The following ST6GALNAC3 variants were observed in gnomAD, a reference collection of about 807,000 sequenced individuals.
ST6GALNAC3 encodes the protein alpha-N-acetylgalactosaminide alpha-2,6-sialyltransferase 3.
ST6GALNAC3 carries 25 observed loss-of-function variants against 32.7 expected under a neutral mutation model. The ratio of observed to expected loss-of-function variants is 0.76; its 90% CI spans 0.56 to 1.07. The LOEUF (loss-of-function observed/expected upper bound fraction) is 1.07. ST6GALNAC3 is among the 50% of genes least tolerant of loss of function. ST6GALNAC3 has a pLI of 0.00. For missense variants in ST6GALNAC3, 355 were observed against 382.4 expected, an observed-to-expected ratio of 0.93 and a Z score of 0.60; for synonymous variants, 129 against 133.1, an observed-to-expected ratio of 0.97 and a Z score of 0.21.
intron 1 of ST6GALNAC3, among the ~76,000 whole-genome samples, chr1:76,151,092 T>C (rs1224650354): frequency 1.3e-5 from 2 of 152,148 alleles, no homozygotes; most frequent in Non-Finnish European, 2.9e-5. Context: ...AACACACTGA[T>C]GGGGAGACAA....
chr1:76,225,471 G>T (rs1433779260), intron 1 of ST6GALNAC3, among the ~76,000 whole-genome samples: 1 of 152,124 alleles, frequency 6.6e-6, no homozygotes, highest in Non-Finnish European at 1.5e-5. Context: ...TGAGGGACAT[G>T]AGGAGGAAAA....
At chr1:76,525,801 A>ATATATATATATATATATATATATATATG (rs1662863220) in intron 3 of ST6GALNAC3, among the ~76,000 whole-genome samples, 1 of 67,792 alleles carries the variant, frequency 1.5e-5, no homozygotes, top group African/African-American at 9.3e-5. Flanking sequence ...GTATATATAT[A>ATATATATATATATATATATATATATATG]TATATATATA....
intron 3 of ST6GALNAC3, among the ~76,000 whole-genome samples, chr1:76,434,987 C>T (rs1342317173): frequency 1.3e-5 from 2 of 151,852 alleles, no homozygotes; most frequent in African/African-American, 4.8e-5. Context: ...GACGGGGTTT[C>T]ACCATGTTGG....
chr1:76,134,811 A>G (rs1032578825), intron 1 of ST6GALNAC3, among the ~76,000 whole-genome samples: 3 of 152,190 alleles, frequency 2.0e-5, no homozygotes, highest in African/African-American at 4.8e-5. Context: ...CTAAGTAACT[A>G]CCTGTTACTA....
chr1:76,222,842 C>T (rs1175305975), intron 1 of ST6GALNAC3, among the ~76,000 whole-genome samples: 1 of 151,954 alleles, frequency 6.6e-6, no homozygotes, highest in Non-Finnish European at 1.5e-5. Flanking sequence ...CAATCAAAAC[C>T]ACAATGAGAT....
intron 3 of ST6GALNAC3, among the ~76,000 whole-genome samples, chr1:76,618,206 C>T (rs1648418197): frequency 6.6e-6 from 1 of 152,146 alleles, no homozygotes; most frequent in Admixed American, 6.6e-5. Context: ...GTGATATGTT[C>T]ATAATTTCCC....
intron 1 of ST6GALNAC3, among the ~76,000 whole-genome samples, chr1:76,128,580 A>G (rs115395888): frequency 0.013 from 2,000 of 152,300 alleles, 49 homozygotes; most frequent in African/African-American, 0.046. Flanking sequence ...ACATCCCCAG[A>G]CCTTCATCAA....
chr1:76,291,591 C>G (rs889119000), intron 1 of ST6GALNAC3, among the ~76,000 whole-genome samples: 1 of 152,210 alleles, frequency 6.6e-6, no homozygotes, highest in Non-Finnish European at 1.5e-5. Flanking sequence ...TGTCGGAGTT[C>G]TAACGAACCG....
chr1:76,163,034 C>T (rs1651908715), intron 1 of ST6GALNAC3, among the ~76,000 whole-genome samples: 1 of 152,186 alleles, frequency 6.6e-6, no homozygotes, highest in Admixed American at 6.5e-5. Context: ...TCAATGGCAA[C>T]TGTCATTATT....
At chr1:76,542,882 A>G (rs990527956) in intron 3 of ST6GALNAC3, among the ~76,000 whole-genome samples, 10 of 152,176 alleles carry the variant, frequency 6.6e-5, no homozygotes, top group African/African-American at 2.4e-4. Flanking sequence ...AATGAGAGGA[A>G]TTGCTACCTA....
At chr1:76,373,086 G>A (rs181405310) in intron 2 of ST6GALNAC3, among the ~76,000 whole-genome samples, 10 of 152,156 alleles carry the variant, frequency 6.6e-5, no homozygotes, top group South Asian at 4.2e-4. Context: ...CGTGAGCCAC[G>A]GTGCCTGGCT....
At chr1:76,266,285 C>T (rs549228515) in intron 1 of ST6GALNAC3, among the ~76,000 whole-genome samples, 208 of 152,230 alleles carry the variant, frequency 1.4e-3, no homozygotes, top group Non-Finnish European at 2.4e-3. Flanking sequence ...GGCTCTATTA[C>T]CCAGGGTATG....
At chr1:76,101,136 A>G (rs562741519) in intron 1 of ST6GALNAC3, among the ~76,000 whole-genome samples, 2 of 152,248 alleles carry the variant, frequency 1.3e-5, no homozygotes, top group East Asian at 1.9e-4. Context: ...GTACTGCCCT[A>G]AAAACACTCT....
chr1:76,140,497 A>G (rs997019181), intron 1 of ST6GALNAC3, among the ~76,000 whole-genome samples: 1 of 151,986 alleles, frequency 6.6e-6, no homozygotes, highest in African/African-American at 2.4e-5. Flanking sequence ...GTGGACTCCT[A>G]TTGATCCTTG....
chr1:76,196,553 C>A (rs538148573), intron 1 of ST6GALNAC3, among the ~76,000 whole-genome samples: 1 of 151,866 alleles, frequency 6.6e-6, no homozygotes, highest in African/African-American at 2.4e-5. Context: ...GCAGCCTCCT[C>A]CTCCCGGGTT....
At chr1:76,418,246 G>A (rs1328898468) in intron 3 of ST6GALNAC3, among the ~76,000 whole-genome samples, 1 of 152,016 alleles carries the variant, frequency 6.6e-6, no homozygotes, top group Non-Finnish European at 1.5e-5. Context: ...TCATCCCTCA[G>A]GTTTGCAAAC....
chr1:76,434,069 G>A (rs889253783), intron 3 of ST6GALNAC3, among the ~76,000 whole-genome samples: 5 of 152,080 alleles, frequency 3.3e-5, no homozygotes, highest in African/African-American at 7.2e-5. Context: ...AGAAGGCTTC[G>A]AAAAGCAAAC....
At chr1:76,334,146 A>G (rs538656449) in intron 2 of ST6GALNAC3, among the ~76,000 whole-genome samples, 17 of 151,702 alleles carry the variant, frequency 1.1e-4, no homozygotes, top group African/African-American at 3.9e-4. Flanking sequence ...CTTGTTGTAA[A>G]AATTTATTCT....
intron 3 of ST6GALNAC3, among the ~76,000 whole-genome samples, chr1:76,542,329 A>G (rs756267314): frequency 2.3e-4 from 35 of 152,156 alleles, no homozygotes; most frequent in Non-Finnish European, 4.1e-4. Flanking sequence ...ATTACCACTT[A>G]CAAACTGTGA....
Sources: allele counts gnomAD v4.1 joint callset (sites outside exome capture counted in the v4.1 genomes callset), GRCh38; gene constraint gnomAD v4.1.1; transcripts MANE v1.5; gene names NCBI Gene and HGNC (gene_info 2026-07-23, HGNC 2026-07-21).